NSMAF: variants seen among roughly 807,000 people sequenced by gnomAD.
NSMAF encodes neutral sphingomyelinase activation associated factor.
A neutral mutation model predicts 134.9 loss-of-function variants in NSMAF; 90 were observed. The ratio of observed to expected loss-of-function variants is 0.67; its 90% CI spans 0.56 to 0.79. The LOEUF (loss-of-function observed/expected upper bound fraction) is 0.79. Among genes scored for constraint, NSMAF ranks in the 30% least tolerant of loss-of-function variants. The probability of loss-of-function intolerance (pLI) is 0.00; values close to 1 mark genes in which losing one functional copy is unlikely to be tolerated. For missense variants in NSMAF, 1,010 were observed against 1,119.0 expected (o/e 0.90, Z 1.39); for synonymous variants, 358 against 389.6 (o/e 0.92, Z 0.96).
At chr8:58,590,178 C>A in intron 24 of NSMAF, 104 bp from the exon 25 acceptor site, 1 of 923,500 alleles carries the variant, frequency 1.1e-6, no homozygotes, top group Non-Finnish European at 1.7e-6. Flanking sequence ...CTCAAATCGT[C>A]TTTATGTGGC....
At chr8:58,588,588 A>G (rs7006797) in intron 26 of NSMAF, 316,448 of 1,225,530 alleles carry the variant, frequency 0.26, 57,519 homozygotes, top group East Asian at 0.56. Context: ...AATAGGCATC[A>G]AAGATGCTCG....
intron 11 of NSMAF, among the ~76,000 whole-genome samples, chr8:58,607,187 A>C (rs985927731): frequency 2.0e-5 from 3 of 152,256 alleles, no homozygotes; most frequent in African/African-American, 7.2e-5. Context: ...AACACTTGGA[A>C]TCATACCTTC....
At chr8:58,611,377 C>T (rs1563531668) in intron 9 of NSMAF, among the ~76,000 whole-genome samples, 1 of 151,944 alleles carries the variant, frequency 6.6e-6, no homozygotes, top group Non-Finnish European at 1.5e-5. Flanking sequence ...ACCATCTCTA[C>T]AAAAAATAAA....
At chr8:58,657,770 C>T (rs1408927638) in intron 1 of NSMAF, among the ~76,000 whole-genome samples, 1 of 152,200 alleles carries the variant, frequency 6.6e-6, no homozygotes, top group Non-Finnish European at 1.5e-5. Context: ...ACACATGGCG[C>T]CAACTTTTTC....
intron 11 of NSMAF, among the ~76,000 whole-genome samples, chr8:58,607,152 T>C (rs1334535500): frequency 1.3e-5 from 2 of 152,204 alleles, no homozygotes; most frequent in Admixed American, 6.5e-5. Context: ...GGAGAAAAAA[T>C]GAATTTCTAT....
chr8:58,583,917 T>G lies in NSMAF; in HGVS notation c.*189A>C. The G allele has an allele frequency of 1.7e-6, 1 of 587,732 alleles. No homozygotes were observed. Among genetic ancestry groups the G allele is most frequent in the Non-Finnish European group, 3.0e-6 (1 of 330,204 alleles). The allele number at this position is 587,732 out of a possible 1,614,324, so 36.4% of individuals were successfully genotyped here. A position where few individuals can be genotyped will look rare whatever the true frequency, so the allele number is the denominator to read the frequency against. On this transcript the variant is annotated 3_prime_UTR_variant, in exon 31 of 31. Coordinates refer to ENST00000038176, the MANE Select transcript of NSMAF (RefSeq NM_003580.4). ...TTTCCTAACACAGCCGCATTTTATC[T>G]GCCCTAAGAGAATAGCAACTAATGG...
At chr8:58,645,407 C>A (rs1807423279) in intron 1 of NSMAF, among the ~76,000 whole-genome samples, 1 of 152,140 alleles carries the variant, frequency 6.6e-6, no homozygotes, top group African/African-American at 2.4e-5. Flanking sequence ...CCAGCTTCAT[C>A]CATATATCAC....
intron 1 of NSMAF, among the ~76,000 whole-genome samples, chr8:58,647,289 C>A (rs1389738743): frequency 6.6e-6 from 1 of 152,206 alleles, no homozygotes; most frequent in Non-Finnish European, 1.5e-5. Flanking sequence ...AGTGCCCCTA[C>A]TAGAGAGTTG....
chr8:58,584,812 G>A (rs72647443), intron 30 of NSMAF, among the ~76,000 whole-genome samples: 42,138 of 151,954 alleles, frequency 0.28, 6,337 homozygotes, highest in South Asian at 0.36. Context: ...AATATTTCTG[G>A]TTTTTAGTAA....
chr8:58,657,871 C>A (rs1474307829), intron 1 of NSMAF, among the ~76,000 whole-genome samples: 2 of 152,190 alleles, frequency 1.3e-5, no homozygotes, highest in Non-Finnish European at 2.9e-5. Context: ...CTGAACACTG[C>A]CAGCCTATCA....
intron 23 of NSMAF, among the ~76,000 whole-genome samples, chr8:58,592,818 C>A (rs925116642): frequency 6.7e-4 from 102 of 151,430 alleles, no homozygotes; most frequent in Non-Finnish European, 2.5e-4. Flanking sequence ...ACCCAGGAGG[C>A]GGAGGTTGCA....
intron 30 of NSMAF, among the ~76,000 whole-genome samples, chr8:58,584,693 A>G (rs537107562): frequency 4.6e-5 from 7 of 152,322 alleles, no homozygotes; most frequent in Admixed American, 3.3e-4. Flanking sequence ...GCTGGAGTAC[A>G]GTGGCATGAT....
At chr8:58,635,984 T>A (rs1371937656) in intron 2 of NSMAF, among the ~76,000 whole-genome samples, 1 of 152,224 alleles carries the variant, frequency 6.6e-6, no homozygotes, top group Non-Finnish European at 1.5e-5. Flanking sequence ...ATGTACTGAA[T>A]AGATGAGAAG....
At chr8:58,623,907 C>T in intron 6 of NSMAF, 127 bp from the exon 7 acceptor site, 1 of 681,956 alleles carries the variant, frequency 1.5e-6, no homozygotes, top group Non-Finnish European at 2.6e-6. Flanking sequence ...GTAACTTCCC[C>T]ACTGGAATGA....
At chr8:58,589,255 T>C (rs1223714489) in intron 26 of NSMAF, among the ~76,000 whole-genome samples, 197 bp downstream of exon 26, 1 of 148,098 alleles carries the variant, frequency 6.8e-6, no homozygotes, top group African/African-American at 2.5e-5. Flanking sequence ...ATATTTTATA[T>C]GTATTTTTTA....
At chr8:58,633,686 C>A (rs771076687) in intron 5 of NSMAF, among the ~76,000 whole-genome samples, 2 of 152,148 alleles carry the variant, frequency 1.3e-5, no homozygotes, top group Non-Finnish European at 2.9e-5. Context: ...CATGCACACA[C>A]CCTTCTTTAG....
Position 58,583,946 on chromosome 8 carries a change from T to C in NSMAF, c.*160A>G, listed in dbSNP as rs1485818233. The C allele has an allele frequency of 3.0e-5, 19 of 638,514 alleles. No homozygotes were observed. The highest frequency in any genetic ancestry group is 4.7e-5 in the Non-Finnish European group (17 of 359,154). 39.6% of individuals were successfully genotyped at this position (638,514 alleles called of 1,614,324 possible). ...CTAAGAGAATAGCAACTAATGGCTT[T>C]CAATGAAGTCACCATGATTTAGAAA... On this transcript the variant is annotated 3_prime_UTR_variant, in exon 31 of 31. Coordinates refer to ENST00000038176, the MANE Select transcript of NSMAF (RefSeq NM_003580.4).
intron 16 of NSMAF, among the ~76,000 whole-genome samples, chr8:58,600,672 C>T (rs888407615): frequency 6.8e-6 from 1 of 146,986 alleles, no homozygotes; most frequent in Non-Finnish European, 1.5e-5. Flanking sequence ...CTGAATGGCT[C>T]ATTGCAAAAG....
At chr8:58,598,291 C>T (rs1345571158) in intron 19 of NSMAF, among the ~76,000 whole-genome samples, 7 of 151,468 alleles carry the variant, frequency 4.6e-5, no homozygotes. Flanking sequence ...ACATGAGAAA[C>T]GTGGAAGAAG....
Sources: allele counts gnomAD v4.1 joint callset (sites outside exome capture counted in the v4.1 genomes callset), GRCh38; gene constraint gnomAD v4.1.1; transcripts MANE v1.5; gene names NCBI Gene and HGNC (gene_info 2026-07-23, HGNC 2026-07-21).